DENND1A: variants seen among roughly 807,000 people sequenced by gnomAD.
DENND1A encodes DENN domain containing 1A, also known as DENN domain-containing protein 1A.
DENND1A carries 51 observed loss-of-function variants against 113.7 expected under a neutral mutation model. The observed-to-expected ratio is 0.45, with a 90% CI of 0.36 to 0.57. DENND1A has a LOEUF of 0.57. Among genes scored for constraint, DENND1A ranks in the 20% least tolerant of loss-of-function variants. DENND1A has a pLI of 0.00. For synonymous variants in DENND1A, 565 were observed against 570.8 expected (o/e 0.99, Z 0.14); for missense variants, 1,258 against 1,395.9 (o/e 0.90, Z 1.57).
At chr9:123,514,094 GTGTATGTGTGTGTGTC>G (rs777536900) in intron 13 of DENND1A, among the ~76,000 whole-genome samples, 2,894 of 46,418 alleles carry the variant, frequency 0.062, 32 homozygotes, top group South Asian at 0.16. Flanking sequence ...GTGTGTGTGT[GTGTATGTGTGTGTGTC>G]TGTGTGTGTG....
At chr9:123,701,738 G>T (rs552607759) in intron 5 of DENND1A, among the ~76,000 whole-genome samples, 1 of 152,352 alleles carries the variant, frequency 6.6e-6, no homozygotes, top group South Asian at 2.1e-4. Flanking sequence ...CATGGGCTTA[G>T]CATGCTAAGC....
chr9:123,729,614 A>G (rs1465232684), intron 5 of DENND1A, among the ~76,000 whole-genome samples: 3 of 152,224 alleles, frequency 2.0e-5, no homozygotes, highest in African/African-American at 7.2e-5. Flanking sequence ...AAGAGAGGAC[A>G]CAAACAAATG....
chr9:123,874,908 T>C (rs1339204641), intron 2 of DENND1A, among the ~76,000 whole-genome samples: 1 of 152,224 alleles, frequency 6.6e-6, no homozygotes, highest in Non-Finnish European at 1.5e-5. Flanking sequence ...TGGAAATGTA[T>C]GTTTACATGT....
intron 13 of DENND1A, among the ~76,000 whole-genome samples, chr9:123,518,928 A>G (rs1180268990): frequency 1.3e-5 from 2 of 151,512 alleles, no homozygotes; most frequent in Non-Finnish European, 1.5e-5. Flanking sequence ...TAAAACCCAA[A>G]CTCCTTTCTA....
At chr9:123,496,075 G>GAAT (rs1453816717) in intron 13 of DENND1A, among the ~76,000 whole-genome samples, 2 of 152,188 alleles carry the variant, frequency 1.3e-5, no homozygotes. Context: ...TATTTCTTCA[G>GAAT]AATCTGACAG....
rs371539514 is a variant in DENND1A at position 123,495,170 on chromosome 9, T to TC, written c.994-37274_994-37273insG. Among the ~76,000 whole-genome samples the TC allele has an allele frequency of 6.6e-3, 987 of 149,412 alleles. 17 individuals carry two copies. Among genetic ancestry groups the TC allele is most frequent in the African/African-American group, 0.021 (835 of 40,300 alleles). On this transcript the variant is annotated intron_variant, in intron 13 of 23. Coordinates refer to ENST00000394215, the MANE Select transcript of DENND1A (RefSeq NM_001352964.2). ...CTCTCTCTCTCTCTCTCTCTCTCTC[T>TC]TATAATGTCTGTTTCCCTCACAGGG...
rs1857760991 is a variant in DENND1A at position 123,930,009 on chromosome 9, T to G, written c.-104A>C. Reference sequence around the variant, plus strand: ...CTCTGGCGCTCTCCCCGCCCCTTCCTCCCTTCCCTCAGGCTGGGGCCCGCC... The same window carrying G: ...CTCTGGCGCTCTCCCCGCCCCTTCCGCCCTTCCCTCAGGCTGGGGCCCGCC... On this transcript the variant is annotated 5_prime_UTR_variant, in exon 1 of 24. Transcript: ENST00000394215. 4.4e-6 allele frequency: 1 copy of G among 227,568 alleles called. No homozygotes were observed. The highest frequency in any genetic ancestry group is 8.3e-6 in the Non-Finnish European group (1 of 119,824). 14.1% of individuals were successfully genotyped at this position (227,568 alleles called of 1,614,324 possible).
chr9:123,514,065 G>GGT (rs775882728), intron 13 of DENND1A, among the ~76,000 whole-genome samples: 19,677 of 109,030 alleles, frequency 0.18, 1,424 homozygotes, highest in South Asian at 0.28. Flanking sequence ...TCTATTTTGA[G>GGT]GTGTGTGTGT....
chr9:123,721,442 T>A (rs988751521), intron 5 of DENND1A, among the ~76,000 whole-genome samples: 1 of 152,198 alleles, frequency 6.6e-6, no homozygotes, highest in African/African-American at 2.4e-5. Flanking sequence ...CACCTCCCCA[T>A]CCACCTGGGT....
intron 2 of DENND1A, among the ~76,000 whole-genome samples, chr9:123,820,208 C>T (rs1838234819): frequency 6.6e-6 from 1 of 152,188 alleles, no homozygotes; most frequent in African/African-American, 2.4e-5. Flanking sequence ...TTAGTCCCAT[C>T]CCTATGGCAC....
At chr9:123,833,949 G>C (rs912263130) in intron 2 of DENND1A, among the ~76,000 whole-genome samples, 6 of 152,090 alleles carry the variant, frequency 3.9e-5, no homozygotes, top group African/African-American at 1.2e-4. Flanking sequence ...CCAGCTACTC[G>C]GGAGGCTGAG....
intron 1 of DENND1A, among the ~76,000 whole-genome samples, chr9:123,893,300 C>T (rs1438292782): frequency 6.6e-6 from 1 of 152,244 alleles, no homozygotes; most frequent in Non-Finnish European, 1.5e-5. Flanking sequence ...TGTCCCTAAT[C>T]ACTATGCTAC....
At chr9:123,625,846 C>T (rs765267992) in intron 10 of DENND1A, among the ~76,000 whole-genome samples, 45 of 152,168 alleles carry the variant, frequency 3.0e-4, no homozygotes, top group Non-Finnish European at 4.9e-4. Context: ...GCAGAAGCCC[C>T]GGGTATTCCT....
At chr9:123,762,926 G>T (rs1324759113) in intron 4 of DENND1A, among the ~76,000 whole-genome samples, 1 of 152,164 alleles carries the variant, frequency 6.6e-6, no homozygotes, top group African/African-American at 2.4e-5. Context: ...TCTGGGGACT[G>T]GAAAGAACTA....
intron 16 of DENND1A, among the ~76,000 whole-genome samples, chr9:123,453,130 C>G (rs911801864): frequency 6.6e-6 from 1 of 152,176 alleles, no homozygotes; most frequent in Admixed American, 6.5e-5. Flanking sequence ...CCTGCAGACA[C>G]GTCGTGAGGG....
chr9:123,793,891 G>A (rs1479843960), intron 2 of DENND1A, among the ~76,000 whole-genome samples: 1 of 152,170 alleles, frequency 6.6e-6, no homozygotes, highest in Non-Finnish European at 1.5e-5. Context: ...CAAAAAAGTT[G>A]AAACTATCTG....
chr9:123,410,884 G>C (rs1554804008), intron 20 of DENND1A, among the ~76,000 whole-genome samples: 1 of 151,856 alleles, frequency 6.6e-6, no homozygotes, highest in East Asian at 1.9e-4. Flanking sequence ...GTCCTGGATG[G>C]TTTCCCACTT....
intron 2 of DENND1A, among the ~76,000 whole-genome samples, chr9:123,821,026 AT>A (rs1209543754): frequency 6.6e-6 from 1 of 152,266 alleles, no homozygotes; most frequent in Admixed American, 6.5e-5. Context: ...CACAGGCATT[AT>A]CTGCAAAGAT....
chr9:123,806,310 C>T (rs947101913), intron 2 of DENND1A, among the ~76,000 whole-genome samples: 5 of 152,078 alleles, frequency 3.3e-5, no homozygotes, highest in Admixed American at 3.3e-4. Flanking sequence ...GGCTGGAGTG[C>T]AGTGGCGTGA....
Sources: gnomAD v4.1 joint callset for allele counts (sites outside exome capture counted in the v4.1 genomes callset) on GRCh38, gnomAD v4.1.1 for gene constraint, MANE v1.5 for transcripts, NCBI Gene and HGNC (gene_info 2026-07-23, HGNC 2026-07-21) for gene names.